Variants in ATXN1 observed in about 807,000 individuals in gnomAD.
ATXN1 encodes ataxin 1, also known as ataxin-1.
ATXN1 carries 8 observed loss-of-function variants against 56.4 expected under a neutral mutation model. The observed-to-expected ratio is 0.14, with a 90% CI of 0.08 to 0.26. ATXN1 has a LOEUF of 0.26. ATXN1 is among the 10% of genes least tolerant of loss of function. The pLI, the probability that ATXN1 is intolerant of heterozygous loss-of-function variation, is 1.00. For synonymous variants in ATXN1, 514 were observed against 494.6 expected (o/e 1.04, Z -0.52); for missense variants, 987 against 1,106.5 (o/e 0.89, Z 1.53).
chr6:16,595,305 G>A (rs769316779), intron 3 of ATXN1, among the ~76,000 whole-genome samples: 2 of 152,190 alleles, frequency 1.3e-5, no homozygotes, highest in African/African-American at 4.8e-5. Flanking sequence ...AAAGAATAAG[G>A]TCAGAGCCTA....
chr6:16,490,040 A>G (rs1352924682), intron 5 of ATXN1, among the ~76,000 whole-genome samples: 1 of 150,988 alleles, frequency 6.6e-6, no homozygotes. Flanking sequence ...AGGGCCAGAG[A>G]GATGCTGAGG....
At chr6:16,652,358 C>T (rs1370139372) in intron 3 of ATXN1, among the ~76,000 whole-genome samples, 1 of 152,110 alleles carries the variant, frequency 6.6e-6, no homozygotes, top group Non-Finnish European at 1.5e-5. Context: ...AATCATGTAC[C>T]TCTCAAGGAT....
intron 4 of ATXN1, among the ~76,000 whole-genome samples, chr6:16,547,456 T>C (rs1761834926): frequency 6.6e-6 from 1 of 152,102 alleles, no homozygotes; most frequent in Non-Finnish European, 1.5e-5. Flanking sequence ...GCACCAGGCG[T>C]CAGAGAGAAG....
chr6:16,353,890 A>G (rs923891822), intron 6 of ATXN1, among the ~76,000 whole-genome samples: 3 of 152,208 alleles, frequency 2.0e-5, no homozygotes, highest in African/African-American at 7.2e-5. Flanking sequence ...CATCCTCTGT[A>G]GTTTCCCAAG....
At chr6:16,499,448 G>A (rs1056571961) in intron 5 of ATXN1, among the ~76,000 whole-genome samples, 1 of 152,164 alleles carries the variant, frequency 6.6e-6, no homozygotes, top group Non-Finnish European at 1.5e-5. Flanking sequence ...TTTCATGAAT[G>A]ATGACCCACC....
At chr6:16,757,275 T>C (rs1010743469) in intron 1 of ATXN1, among the ~76,000 whole-genome samples, 3 of 152,236 alleles carry the variant, frequency 2.0e-5, no homozygotes, top group Admixed American at 6.5e-5. Context: ...AGGAAAAATA[T>C]TGCCTTTGGC....
Position 16,643,670 on chromosome 6 carries a change from T to C in ATXN1, c.-489+14106A>G, listed in dbSNP as rs77405592. On this transcript the variant is annotated intron_variant, in intron 3 of 7. Transcript: ENST00000436367. ...AAAAGAGAAGAGAAGAACGCAGGAC[T>C]ATGAGCCTGCTTGCAGAAATTCTGA... 6.8e-3 allele frequency among the ~76,000 whole-genome samples: 1,006 copies of C among 147,062 alleles called. 10 individuals are homozygous for C. The highest frequency in any genetic ancestry group is 0.024 in the African/African-American group (960 of 40,214).
chr6:16,701,496 A>T (rs1439368146), intron 2 of ATXN1, among the ~76,000 whole-genome samples: 5 of 152,252 alleles, frequency 3.3e-5, no homozygotes, highest in Non-Finnish European at 7.3e-5. Flanking sequence ...GCAATCAGGC[A>T]GGAGAAGGAA....
chr6:16,589,560 G>A (rs555004494), intron 3 of ATXN1, among the ~76,000 whole-genome samples: 2 of 152,162 alleles, frequency 1.3e-5, no homozygotes, highest in South Asian at 4.1e-4. Flanking sequence ...ATGTGGTAAG[G>A]CATAATGATT....
At chr6:16,601,189 C>G (rs939937789) in intron 3 of ATXN1, among the ~76,000 whole-genome samples, 98 of 152,216 alleles carry the variant, frequency 6.4e-4, no homozygotes, top group African/African-American at 2.3e-3. Context: ...CACGTCCCAA[C>G]GTGGCAGTGT....
At chr6:16,323,447 G>A (rs1407156235) in intron 7 of ATXN1, among the ~76,000 whole-genome samples, 3 of 143,294 alleles carry the variant, frequency 2.1e-5, no homozygotes, top group Admixed American at 1.5e-4. Context: ...TGAACCAAGA[G>A]GCAGATGTTG....
chr6:16,373,440 A>C (rs983704045), intron 6 of ATXN1, among the ~76,000 whole-genome samples: 1 of 152,148 alleles, frequency 6.6e-6, no homozygotes, highest in Non-Finnish European at 1.5e-5. Context: ...TGTCCCACAC[A>C]CGTGTCTTGG....
chr6:16,306,634 C>T lies in ATXN1; in HGVS notation c.2143G>A (p.Gly715Ser), dbSNP rs149993107. The T allele has an allele frequency of 2.8e-4, 450 of 1,614,128 alleles. No homozygotes were observed. The highest frequency in any genetic ancestry group is 3.3e-4 in the Non-Finnish European group (394 of 1,180,052). ...TACCTGTGTCTGCTGCCCGCCAGGC[C>T]GTCGGCCTTTGAGTGCTTCAGCAGG... is the stretch of plus-strand genomic sequence containing the variant. ...SVLLKHSKAD[G>S]LAGSRHRYAE... is the part of the protein sequence containing the mutation. Residue 715 changes from glycine (G) to serine (S), a missense_variant, in exon 8 of 8, where the codon GGC (glycine) becomes AGC (serine). Gly to Ser is a moderately conservative substitution (Grantham distance 56). Coordinates refer to ENST00000436367, the MANE Select transcript of ATXN1 (RefSeq NM_001128164.2). This position sits in a 1 kb window ranked among gnomAD's most constrained non-coding sequence, Gnocchi z 5.2.
chr6:16,583,243 A>T (rs1581860791), intron 4 of ATXN1, among the ~76,000 whole-genome samples: 1 of 152,232 alleles, frequency 6.6e-6, no homozygotes, highest in Non-Finnish European at 1.5e-5. Context: ...AAACGAATGC[A>T]GCGTCTACAT....
intron 3 of ATXN1, among the ~76,000 whole-genome samples, chr6:16,643,555 G>A (rs894275904): frequency 1.7e-4 from 25 of 150,346 alleles, no homozygotes; most frequent in Admixed American, 7.3e-4. Flanking sequence ...CTTGAGGCCC[G>A]GAGGTCGAGG....
intron 3 of ATXN1, among the ~76,000 whole-genome samples, chr6:16,612,622 T>G (rs1763129930): frequency 6.6e-6 from 1 of 152,126 alleles, no homozygotes; most frequent in Non-Finnish European, 1.5e-5. Context: ...TGGGACACGG[T>G]GGCTCACACC....
chr6:16,412,821 A>T (rs1561886277), intron 6 of ATXN1, among the ~76,000 whole-genome samples: 1 of 152,224 alleles, frequency 6.6e-6, no homozygotes, highest in East Asian at 1.9e-4. Context: ...CCCAAAGGTC[A>T]TGAGTTTGGC....
At chr6:16,656,844 A>G (rs1758213702) in intron 3 of ATXN1, among the ~76,000 whole-genome samples, 1 of 152,154 alleles carries the variant, frequency 6.6e-6, no homozygotes, top group African/African-American at 2.4e-5. Context: ...GGTATAGCTT[A>G]TTGCTCCTAG....
At chr6:16,711,863 C>T (rs1209233992) in intron 2 of ATXN1, among the ~76,000 whole-genome samples, 1 of 152,280 alleles carries the variant, frequency 6.6e-6, no homozygotes, top group East Asian at 1.9e-4. Context: ...AGCAATATGC[C>T]TGCCTTGGCC....
Sources: gnomAD v4.1 joint callset for allele counts (sites outside exome capture counted in the v4.1 genomes callset) on GRCh38, gnomAD v4.1.1 for gene constraint, Gnocchi (gnomAD v3.1) non-coding constraint, MANE v1.5 for transcripts, NCBI Gene and HGNC (gene_info 2026-07-23, HGNC 2026-07-21) for gene names.